The following CYRIB variants were observed in gnomAD, a reference collection of about 807,000 sequenced individuals.
The protein encoded by CYRIB is CYFIP related Rac1 interactor B.
In CYRIB, 8 loss-of-function variants were observed where a neutral mutation model predicts 44.2. That is an observed-to-expected ratio of 0.18 (90% CI 0.11 to 0.33). CYRIB has a LOEUF of 0.33. Among genes scored for constraint, CYRIB ranks in the 10% least tolerant of loss-of-function variants. CYRIB has a pLI of 1.00. For missense variants in CYRIB, 185 were observed against 382.8 expected, an observed-to-expected ratio of 0.48 and a Z score of 4.31; for synonymous variants, 131 against 127.2, an observed-to-expected ratio of 1.03 and a Z score of -0.20.
intron 6 of CYRIB, among the ~76,000 whole-genome samples, chr8:129,855,296 T>G (rs543231733): frequency 2.7e-5 from 4 of 149,364 alleles, no homozygotes; most frequent in Admixed American, 6.7e-5. Context: ...GAGGTTGAGG[T>G]GGGAGAATCA....
chr8:129,914,654 C>T (rs1240752331), intron 1 of CYRIB, among the ~76,000 whole-genome samples: 3 of 152,196 alleles, frequency 2.0e-5, no homozygotes, highest in Non-Finnish European at 4.4e-5. Context: ...TTAAATTACA[C>T]TGTACTAAGT....
At chr8:129,870,384 G>A (rs1268385331) in intron 4 of CYRIB, among the ~76,000 whole-genome samples, 1 of 152,232 alleles carries the variant, frequency 6.6e-6, no homozygotes. Flanking sequence ...CACTCCGGCA[G>A]GGTGACGGAG....
chr8:129,973,640 C>G (rs1308005898), intron 1 of CYRIB, among the ~76,000 whole-genome samples: 1 of 152,184 alleles, frequency 6.6e-6, no homozygotes, highest in South Asian at 2.1e-4. Context: ...AGTGACCAGA[C>G]AGTGACTCAG....
At chr8:129,852,748 A>G in intron 7 of CYRIB, among the ~76,000 whole-genome samples, 1 of 152,198 alleles carries the variant, frequency 6.6e-6, no homozygotes, top group Non-Finnish European at 1.5e-5. Flanking sequence ...CTGGCAGGGG[A>G]AAGAGTATGT....
At chr8:129,964,890 G>T (rs1307305849) in intron 2 of CYRIB, among the ~76,000 whole-genome samples, 1 of 152,170 alleles carries the variant, frequency 6.6e-6, no homozygotes, top group Non-Finnish European at 1.5e-5. Flanking sequence ...AAAAGGAAAA[G>T]AAAATGAGAT....
chr8:129,934,814 C>T (rs1214028564), intron 1 of CYRIB, among the ~76,000 whole-genome samples: 3 of 152,192 alleles, frequency 2.0e-5, no homozygotes, highest in African/African-American at 4.8e-5. Context: ...TCACCCCCAG[C>T]AACTGGACCC....
intron 11 of CYRIB, chr8:129,844,329 G>C (rs1231462320): frequency 3.9e-5 from 6 of 152,142 alleles, no homozygotes; most frequent in African/African-American, 1.4e-4. Context: ...CCAATCCAGA[G>C]CACACTGCAT....
Position 129,950,344 on chromosome 8 carries a change from C to T in CYRIB, c.-243+20599G>A, listed in dbSNP as rs559053114. Among the ~76,000 whole-genome samples the T allele has an allele frequency of 8.4e-4, 128 of 152,240 alleles. 2 individuals are homozygous for T. The highest frequency in any genetic ancestry group is 2.9e-3 in the African/African-American group (122 of 41,564). On this transcript the variant is annotated intron_variant, in intron 2 of 14. Coordinates refer to the CYRIB transcript ENST00000401979. The stretch of plus-strand genomic sequence containing the variant: ...CAGCACTTTGGGAGGCCATGGCAGA[C>T]GGATCACCTGAGGTCAGGAGTTCGA...
exon 12 of CYRIB, chr8:129,841,234 G>A (rs191877834): frequency 1.3e-5 from 2 of 152,050 alleles, no homozygotes; most frequent in Non-Finnish European, 2.9e-5. Flanking sequence ...CCATACAAGA[G>A]TAAATCAAGA....
At chr8:129,867,401 AG>A (rs58607109) in intron 4 of CYRIB, among the ~76,000 whole-genome samples, 151,597 of 151,600 alleles carry the variant, frequency 1, 75,797 homozygotes, top group Non-Finnish European at 1. Context: ...CTAGGATTAC[AG>A]GGTGTGTGCC....
upstream of CYRIB, among the ~76,000 whole-genome samples, chr8:129,941,276 T>TTG (rs967298733): frequency 1.3e-5 from 2 of 148,554 alleles, no homozygotes; most frequent in African/African-American, 4.9e-5. Flanking sequence ...GAAGGAGATT[T>TTG]TTTTTTTTTT....
At position 129,949,148 on chromosome 8, in the gene CYRIB, A is replaced by G. The variant is rs186553479; in HGVS notation, c.-243+21795T>C. The G allele has an allele frequency of 2.6e-5, 4 of 152,312 alleles. No homozygotes were observed. In the East Asian group the frequency reaches 5.8e-4, roughly 22 times the overall value. 9.4% of individuals were successfully genotyped at this position (152,312 alleles called of 1,614,324 possible). ...TTCAATGACATTTTAAAAGATTGAT[A>G]AAGTGTATTAATTTATCAATGCCAT... On this transcript the variant is annotated intron_variant, in intron 2 of 14. Coordinates refer to the CYRIB transcript ENST00000401979.
chr8:129,884,272 T>C (rs983597571), intron 2 of CYRIB, among the ~76,000 whole-genome samples: 1 of 152,140 alleles, frequency 6.6e-6, no homozygotes, highest in African/African-American at 2.4e-5. Context: ...ATACATTTGA[T>C]ATGAAAGATA....
chr8:129,956,535 G>GCACACACA (rs146683281), intron 2 of CYRIB, among the ~76,000 whole-genome samples: 33 of 149,502 alleles, frequency 2.2e-4, no homozygotes, highest in Non-Finnish European at 3.9e-4. Context: ...CTTTGTGTTT[G>GCACACACA]CACACACACA....
At chr8:129,937,339 A>G (rs1053321564) in intron 1 of CYRIB, among the ~76,000 whole-genome samples, 2 of 152,074 alleles carry the variant, frequency 1.3e-5, no homozygotes, top group African/African-American at 4.8e-5. Context: ...TAATACTTAG[A>G]AAGAGTCAAG....
chr8:129,852,211 G>A, exon 8 of CYRIB: 1 of 1,571,014 alleles, frequency 6.4e-7, no homozygotes, highest in Non-Finnish European at 8.6e-7. Flanking sequence ...CAGCATTGGA[G>A]TTGCCTCAGC....
chr8:130,014,306 C>T (rs972636176), intron 1 of CYRIB, among the ~76,000 whole-genome samples: 12 of 152,264 alleles, frequency 7.9e-5, no homozygotes, highest in African/African-American at 2.4e-4. Flanking sequence ...GGTGCACACC[C>T]GTGGTCCCAG....
intron 5 of CYRIB, among the ~76,000 whole-genome samples, chr8:129,859,302 G>A (rs1001403032): frequency 1.3e-5 from 2 of 152,182 alleles, no homozygotes; most frequent in Non-Finnish European, 2.9e-5. Context: ...CTAACTAAAC[G>A]GCAGAGCCAG....
At chr8:129,908,097 A>G (rs2076340619) in intron 1 of CYRIB, among the ~76,000 whole-genome samples, 1 of 152,228 alleles carries the variant, frequency 6.6e-6, no homozygotes, top group Non-Finnish European at 1.5e-5. Flanking sequence ...ATTTGAGTTT[A>G]ATTTCTCAAA....
Sources: gnomAD v4.1 joint callset for allele counts (sites outside exome capture counted in the v4.1 genomes callset) on GRCh38, gnomAD v4.1.1 for gene constraint, MANE v1.5 for transcripts, NCBI Gene and HGNC (gene_info 2026-07-23, HGNC 2026-07-21) for gene names.